Variants in CHAF1A observed in about 807,000 individuals in gnomAD.
CHAF1A encodes the protein chromatin assembly factor 1 subunit A.
In CHAF1A, 5 loss-of-function variants were observed where a neutral mutation model predicts 93.2. The ratio of observed to expected loss-of-function variants is 0.05; its 90% confidence interval spans 0.03 to 0.11. CHAF1A has a LOEUF of 0.11. Ranked by LOEUF, CHAF1A falls within the 10% of genes least tolerant of loss-of-function variation. The pLI, the probability that CHAF1A is intolerant of heterozygous loss-of-function variation, is 1.00. For missense variants in CHAF1A, 1,102 were observed against 1,259.9 expected (o/e 0.87, Z 1.90); for synonymous variants, 504 against 510.3 (o/e 0.99, Z 0.17).
chr19:4,422,807 T>C lies in CHAF1A; in HGVS notation c.1247+12T>C, dbSNP rs777377380. On this transcript the variant is annotated intron_variant, in intron 5 of 14. Coordinates refer to ENST00000301280, the MANE Select transcript of CHAF1A (RefSeq NM_005483.3). This position sits in a 1 kb window ranked among gnomAD's most constrained non-coding sequence, Gnocchi z 4.6. ...CAGGAAGCCCTGGAGTGAGTGTCCT[T>C]GGAGGCCATGCTGGGCCCGCCACCC... The C allele has an allele frequency of 5.6e-6, 9 of 1,610,428 alleles. No individual in the cohort carries two copies. The highest frequency in any genetic ancestry group is 1.1e-5 in the South Asian group (1 of 90,916).
intron 12 of CHAF1A, among the ~76,000 whole-genome samples, chr19:4,432,685 A>G (rs1322751607): frequency 6.6e-6 from 1 of 151,100 alleles, no homozygotes; most frequent in Non-Finnish European, 1.5e-5. Flanking sequence ...GCTTGAGCCT[A>G]GGAGTTTCAG....
chr19:4,403,085 G>T (rs1973615263), intron 1 of CHAF1A, among the ~76,000 whole-genome samples: 5 of 152,218 alleles, frequency 3.3e-5, no homozygotes. Context: ...GCGGTGGGTC[G>T]GAGGGGCCGA....
At chr19:4,445,806 C>G, downstream of CHAF1A, 1 of 1,112,538 alleles carries the variant, frequency 9.0e-7, no homozygotes. Context: ...TAAGCCTAAA[C>G]CTACTGCACT....
Position 4,409,755 on chromosome 19 carries a change from G to T in CHAF1A, c.956G>T (p.Arg319Leu), listed in dbSNP as rs112018734. The T allele has an allele frequency of 1.9e-6, 3 of 1,606,114 alleles. No homozygotes were observed. Among genetic ancestry groups the T allele is most frequent in the African/African-American group, 1.3e-5 (1 of 74,890 alleles). The change falls in exon 3 of 15, where the codon CGC becomes CTC. Residue 319 changes from arginine (R) to leucine (L), a missense_variant. By Grantham distance (102) the Arg-to-Leu change is moderately radical. Coordinates refer to ENST00000301280, the MANE Select transcript of CHAF1A (RefSeq NM_005483.3). ...TSPFPTSTPL[R>L]RITKKFVKGS... ...CCCTTCCCCACCTCCACGCCCCTCC[G>T]CAGAGTGAGTATCTCCCATGGAGTC...
At chr19:4,442,177 C>A in intron 13 of CHAF1A, 68 bp from the exon 14 acceptor site, 3 of 1,331,568 alleles carry the variant, frequency 2.3e-6, no homozygotes, top group Non-Finnish European at 3.2e-6. Flanking sequence ...GAGTTCCCCC[C>A]GCTACCGCAC....
intron 3 of CHAF1A, among the ~76,000 whole-genome samples, chr19:4,411,923 A>G (rs752165922): frequency 6.6e-6 from 1 of 151,946 alleles, no homozygotes; most frequent in Non-Finnish European, 1.5e-5. Flanking sequence ...TGCTGGGATT[A>G]CAGGCATGAG....
chr19:4,403,284 G>A (rs149773450), intron 1 of CHAF1A, among the ~76,000 whole-genome samples: 1,731 of 152,304 alleles, frequency 0.011, 10 homozygotes, highest in Non-Finnish European at 0.017. Context: ...GGCCCAGATG[G>A]TAGAGATGGC....
At chr19:4,416,454 C>T (rs892773746) in intron 3 of CHAF1A, among the ~76,000 whole-genome samples, 2 of 152,202 alleles carry the variant, frequency 1.3e-5, no homozygotes, top group Non-Finnish European at 2.9e-5. Flanking sequence ...TGGTGAGTCA[C>T]ACCATGGATC....
chr19:4,440,212 G>T (rs1974360354), intron 13 of CHAF1A, among the ~76,000 whole-genome samples: 1 of 152,198 alleles, frequency 6.6e-6, no homozygotes. Flanking sequence ...GGATGGGCTT[G>T]TGTTCATGCA....
intron 2 of CHAF1A, among the ~76,000 whole-genome samples, chr19:4,407,948 A>G (rs1973710370): frequency 6.6e-6 from 1 of 152,032 alleles, no homozygotes; most frequent in African/African-American, 2.4e-5. Flanking sequence ...CTGTCTCCAA[A>G]AGAAAAAAAA....
chr19:4,445,467 C>A (rs1452418749), downstream of CHAF1A: 1 of 1,613,074 alleles, frequency 6.2e-7, no homozygotes, highest in Non-Finnish European at 8.5e-7. Context: ...TGAGACAGAC[C>A]CACAGGGCTG....
rs533254714 is a variant in CHAF1A at position 4,422,213 on chromosome 19, C to T, written c.1018-353C>T. Among the ~76,000 whole-genome samples, 175 of 152,144 alleles carry T rather than the reference C, an allele frequency of 1.2e-3. No homozygotes were observed. The highest frequency in any genetic ancestry group is 4.0e-3 in the African/African-American group (168 of 41,510). On this transcript the variant is annotated intron_variant, in intron 4 of 14. Coordinates refer to ENST00000301280, the MANE Select transcript of CHAF1A (RefSeq NM_005483.3). This position sits in a 1 kb window ranked among gnomAD's most constrained non-coding sequence, Gnocchi z 4.6. ...ATTTTTAGTAGAGATGGGGTTTCAC[C>T]ATCTTGGCCAGGCTGGTCTCGAACT...
At chr19:4,445,199 G>A (rs1974479009), downstream of CHAF1A, 1 of 377,058 alleles carries the variant, frequency 2.7e-6, no homozygotes, top group East Asian at 6.3e-5. Context: ...CCAGGGAGAT[G>A]CCACGTGTGT....
At chr19:4,408,342 G>A (rs1973721297) in intron 2 of CHAF1A, among the ~76,000 whole-genome samples, 1 of 151,342 alleles carries the variant, frequency 6.6e-6, no homozygotes, top group East Asian at 1.9e-4. Context: ...GCAGGCGCCC[G>A]CCACCTCACC....
chr19:4,410,170 G>C (rs1194316539), intron 3 of CHAF1A, among the ~76,000 whole-genome samples: 3 of 152,064 alleles, frequency 2.0e-5, no homozygotes, highest in Non-Finnish European at 4.4e-5. Context: ...CAAAGACACT[G>C]AGCACTGAAG....
chr19:4,424,214 C>A (rs920326919), intron 7 of CHAF1A, among the ~76,000 whole-genome samples: 1 of 152,178 alleles, frequency 6.6e-6, no homozygotes, highest in African/African-American at 2.4e-5. Flanking sequence ...AACAACAGTA[C>A]AATTCACAAA....
In CHAF1A at chr19:4,423,243, G is replaced by T. The variant is rs1418855961; in HGVS notation, c.1248-92G>T. 8 of 1,555,948 alleles carry T rather than the reference G, an allele frequency of 5.1e-6. No homozygotes were observed. The African/African-American group carries it at 9.7e-5, about 19-fold the overall frequency. Reference sequence around the variant, plus strand: ...AACTTATATTCATTTAATGTAAAATGAAATACTTGCCATATACTAACAGTT... The same window carrying T: ...AACTTATATTCATTTAATGTAAAATTAAATACTTGCCATATACTAACAGTT... On this transcript the variant is annotated intron_variant, in intron 5 of 14. Coordinates refer to ENST00000301280, the MANE Select transcript of CHAF1A (RefSeq NM_005483.3).
chr19:4,407,096 G>A (rs1973694256), intron 2 of CHAF1A, among the ~76,000 whole-genome samples: 1 of 151,950 alleles, frequency 6.6e-6, no homozygotes, highest in Admixed American at 6.6e-5. Context: ...GGGGGCACCT[G>A]TAGTCCCAGC....
chr19:4,416,443 A>G (rs1973898598), intron 3 of CHAF1A, among the ~76,000 whole-genome samples: 1 of 152,190 alleles, frequency 6.6e-6, no homozygotes, highest in Non-Finnish European at 1.5e-5. Flanking sequence ...ATTTAGGTGG[A>G]TGGTGAGTCA....
Sources: gnomAD v4.1 joint callset for allele counts (sites outside exome capture counted in the v4.1 genomes callset) on GRCh38, gnomAD v4.1.1 for gene constraint, Gnocchi (gnomAD v3.1) non-coding constraint, MANE v1.5 for transcripts, NCBI Gene and HGNC (gene_info 2026-07-23, HGNC 2026-07-21) for gene names.